Variants in DUXB observed in about 807,000 individuals in gnomAD.
DUXB encodes the protein double homeobox protein B.
A neutral mutation model predicts 8.9 loss-of-function variants in DUXB; 22 were observed. That is an observed-to-expected ratio of 2.46 (90% CI 1.76 to 3.52). The LOEUF (loss-of-function observed/expected upper bound fraction) is 3.52, where lower values mean the gene tolerates loss of function less well. DUXB is among the 30% of genes most tolerant of loss of function. DUXB has a pLI of 0.00. For missense variants in DUXB, 237 were observed against 108.7 expected, an observed-to-expected ratio of 2.18 and a Z score of -5.25; for synonymous variants, 84 against 37.6, an observed-to-expected ratio of 2.23 and a Z score of -4.52.
At chr16:75,695,315 A>T (rs925596009) in intron 4 of DUXB, among the ~76,000 whole-genome samples, 9 of 152,150 alleles carry the variant, frequency 5.9e-5, no homozygotes, top group Non-Finnish European at 1.3e-4. Context: ...TTTCCTCTTC[A>T]CGGATGTGTG....
At chr16:75,699,040 T>A (rs1311021055) in intron 2 of DUXB, among the ~76,000 whole-genome samples, 3 of 152,050 alleles carry the variant, frequency 2.0e-5, no homozygotes, top group African/African-American at 2.4e-5. Context: ...GAGATGGGGT[T>A]TTACTGTGTT....
At chr16:75,699,804 G>A (rs1244550096) in intron 2 of DUXB, among the ~76,000 whole-genome samples, 4 of 152,050 alleles carry the variant, frequency 2.6e-5, no homozygotes, top group Admixed American at 6.6e-5. Context: ...CTCGTCATCC[G>A]CCTGCCTTGG....
In DUXB at chr16:75,697,200, T is replaced by G. The variant is rs187337356; in HGVS notation, c.181-257A>C. Among the ~76,000 whole-genome samples, 429 of 152,320 alleles carry G rather than the reference T, an allele frequency of 2.8e-3. 1 individual carries two copies. The highest frequency in any genetic ancestry group is 9.7e-3 in the African/African-American group (404 of 41,576). ...GCATCCAGAGTAAATTTGTTTGATT[T>G]AGGAGACCCTATGAGGTCTCTCAAA... On this transcript the variant is annotated intron_variant, in intron 2 of 4. Coordinates refer to ENST00000633875, the MANE Select transcript of DUXB (RefSeq NM_001351307.2).
intron 2 of DUXB, among the ~76,000 whole-genome samples, chr16:75,698,375 A>G (rs944934052): frequency 6.6e-6 from 1 of 152,220 alleles, no homozygotes; most frequent in Non-Finnish European, 1.5e-5. Context: ...AGATCCTTAT[A>G]GCCAATGGCT....
chr16:75,701,424 G>A lies in DUXB; in HGVS notation c.-6C>T, dbSNP rs899891868. On this transcript the variant is annotated 5_prime_UTR_variant, in exon 1 of 5. Transcript: ENST00000633875. ...GAAGTGCCCTCCAAATTCATCTTGG[G>A]CAGAAGACCTGGACTCCACGGAGAT... 7.5e-6 allele frequency: 3 copies of A among 398,472 alleles called. No homozygotes were observed. Among genetic ancestry groups the A allele is most frequent in the Non-Finnish European group, 1.3e-5 (3 of 226,076 alleles). The allele number at this position is 398,472 out of a possible 1,614,324, so 24.7% of individuals were successfully genotyped here.
Position 75,693,902 on chromosome 16 carries a change from T to C in DUXB, c.*27A>G, listed in dbSNP as rs1222429712. On this transcript the variant is annotated 3_prime_UTR_variant, in exon 5 of 5. Transcript: ENST00000633875. ...GTGGATGACATGTTTCTCAGCTGAG[T>C]GTGCCTACTGCTGCCACAAGTCTGT... 1 of 398,802 alleles carries C rather than the reference T, an allele frequency of 2.5e-6. No homozygotes were observed. The highest frequency in any genetic ancestry group is 4.4e-6 in the Non-Finnish European group (1 of 226,432). The allele number at this position is 398,802 out of a possible 1,614,324, so 24.7% of individuals were successfully genotyped here.
chr16:75,694,292 C>A lies in DUXB; in HGVS notation c.675G>T (p.Arg225Ser), dbSNP rs891710651. 9.8e-6 allele frequency: 6 copies of A among 612,316 alleles called. No individual in the cohort carries two copies. The highest frequency in any genetic ancestry group is 2.7e-4 in the Middle Eastern group (1 of 3,668). The allele number at this position is 612,316 out of a possible 1,614,324, so 37.9% of individuals were successfully genotyped here. Residue 225 changes from arginine (R) to serine (S), a missense_variant, in exon 5 of 5, where the codon AGG becomes AGT. Transcript: ENST00000633875. The part of the protein sequence containing the change: ...PSTQAPWDPF[R>S]FHVSQGPNVM... ...CATTTGGTCCTTGGCTCACATGGAA[C>A]CTGAAGGGATCCCAAGGAGCCTGGG...
intron 4 of DUXB, 29 bp downstream of exon 4, chr16:75,695,932 A>G (rs1439089842): frequency 4.3e-6 from 3 of 702,724 alleles, no homozygotes; most frequent in South Asian, 3.0e-5. Context: ...CAGGCAGGAC[A>G]TAGTTGGGAT....
rs1394772730 is a variant in DUXB at position 75,696,952 on chromosome 16, GAGA to G, written c.181-12_181-10del. The G allele has an allele frequency of 1.1e-5, 8 of 701,208 alleles. No individual in the cohort carries two copies. The highest frequency in any genetic ancestry group is 1.8e-5 in the Non-Finnish European group (7 of 384,468). 43.4% of individuals were successfully genotyped at this position (701,208 alleles called of 1,614,324 possible). ...TAATTTTTAAACCAAACCTAAGTAG[GAGA>G]AGAAGATGTGATAGTCATACAACTC... On this transcript the variant is annotated splice_polypyrimidine_tract_variant and intron_variant, in intron 2 of 4. Coordinates refer to ENST00000633875, the MANE Select transcript of DUXB (RefSeq NM_001351307.2).
Position 75,700,700 on chromosome 16 carries a change from G to A in DUXB, c.26-531C>T, listed in dbSNP as rs566910284. Among the ~76,000 whole-genome samples the A allele has an allele frequency of 2.6e-5, 4 of 151,850 alleles. No homozygotes were observed. The East Asian group carries it at 7.7e-4, about 29-fold the overall frequency. ...TTTTTGTATTTTTTAGTAGAGACAG[G>A]GTTTCACCGTGTTAGCCAGGATGGT... On this transcript the variant is annotated intron_variant, in intron 1 of 4. Coordinates refer to ENST00000633875, the MANE Select transcript of DUXB (RefSeq NM_001351307.2).
rs2082582302 is a variant in DUXB, at chr16:75,693,996, A to C, written c.971T>G (p.Leu324Trp). ...CTGGCAGATCTCGTCCCACCTTTGC[A>C]AAATGTTCGATATGTCAAACTGACC... Reference protein sequence around the residue: ...NLGQFDISNILQRWDEICQAL... With the variant: ...NLGQFDISNIWQRWDEICQAL... The change falls in exon 5 of 5, where the codon TTG (leucine) becomes TGG (tryptophan). Residue 324 changes from leucine (L) to tryptophan (W), a missense_variant. Physicochemically the swap from Leu to Trp is moderately conservative, Grantham distance 61. Transcript: ENST00000633875. The C allele has an allele frequency of 2.5e-6, 1 of 401,064 alleles. No individual in the cohort carries two copies. The highest frequency in any genetic ancestry group is 2.1e-5 in the African/African-American group (1 of 48,576). The allele number at this position is 401,064 out of a possible 1,614,324, so 24.8% of individuals were successfully genotyped here. A position where few individuals can be genotyped will look rare whatever the true frequency, so the allele number is the denominator to read the frequency against.
In DUXB at chr16:75,697,562, C is replaced by G. The variant is rs899381896; in HGVS notation, c.181-619G>C. Among the ~76,000 whole-genome samples, 7 of 152,290 alleles carry G rather than the reference C, an allele frequency of 4.6e-5. No homozygotes were observed. In the Middle Eastern group the frequency reaches 0.01, roughly 222 times the overall value. ...TTGCTTGTTTCCTCATTACTAGAGT[C>G]AGAATTGCAATATATTTTCTAATGA... is the stretch of plus-strand genomic sequence containing the variant. On this transcript the variant is annotated intron_variant, in intron 2 of 4. Coordinates refer to ENST00000633875, the MANE Select transcript of DUXB (RefSeq NM_001351307.2).
intron 4 of DUXB, among the ~76,000 whole-genome samples, chr16:75,695,416 C>T (rs1472325015): frequency 2.6e-5 from 4 of 152,156 alleles, no homozygotes; most frequent in Non-Finnish European, 4.4e-5. Context: ...GTGTCATAAG[C>T]CCATGCATGG....
chr16:75,697,068 G>A, intron 2 of DUXB, 125 bp from the exon 3 acceptor site: 1 of 616,936 alleles, frequency 1.6e-6, no homozygotes, highest in South Asian at 1.9e-5. Context: ...CAAGAGAAAG[G>A]CAATCCATTA....
intron 4 of DUXB, among the ~76,000 whole-genome samples, chr16:75,695,271 A>G (rs2082596408): frequency 6.6e-6 from 1 of 152,252 alleles, no homozygotes; most frequent in Non-Finnish European, 1.5e-5. Context: ...ACAATGGATC[A>G]GCAAAAAAGA....
In DUXB at chr16:75,695,951, T is replaced by A; in HGVS notation, c.441+10A>T. 1.4e-6 allele frequency: 1 copy of A among 702,972 alleles called. No individual in the cohort carries two copies. The highest frequency in any genetic ancestry group is 2.6e-6 in the Non-Finnish European group (1 of 384,970). 43.5% of individuals were successfully genotyped at this position (702,972 alleles called of 1,614,324 possible). A position where few individuals can be genotyped will look rare whatever the true frequency, so the allele number is the denominator to read the frequency against. On this transcript the variant is annotated intron_variant, in intron 4 of 4. Transcript: ENST00000633875. Reference sequence around the variant, plus strand: ...CAGGACATAGTTGGGATCACACACATAGAACTTACTTGAATTCTTGATTCC... The same window carrying A: ...CAGGACATAGTTGGGATCACACACAAAGAACTTACTTGAATTCTTGATTCC...
intron 2 of DUXB, among the ~76,000 whole-genome samples, chr16:75,699,173 TTTAAC>T (rs1221630383): frequency 1.3e-5 from 2 of 152,190 alleles, no homozygotes; most frequent in Non-Finnish European, 2.9e-5. Flanking sequence ...ACTGGAGAGA[TTTAAC>T]TTAAGTTTCA....
At chr16:75,698,922 C>T (rs988386783) in intron 2 of DUXB, 1 of 152,230 alleles carries the variant, frequency 6.6e-6, no homozygotes, top group African/African-American at 2.4e-5. Context: ...CGGCTTACTG[C>T]AGCCTTGACC....
chr16:75,698,174 C>CG (rs1198281920), intron 2 of DUXB, among the ~76,000 whole-genome samples: 4 of 152,222 alleles, frequency 2.6e-5, no homozygotes, highest in African/African-American at 9.6e-5. Flanking sequence ...CCTCCAGCTA[C>CG]GTCATTTCCT....
Sources: gnomAD v4.1 joint callset for allele counts (sites outside exome capture counted in the v4.1 genomes callset) on GRCh38, gnomAD v4.1.1 for gene constraint, MANE v1.5 for transcripts, NCBI Gene and HGNC (gene_info 2026-07-23, HGNC 2026-07-21) for gene names.